The following CEP170 variants were observed in gnomAD, a reference collection of about 807,000 sequenced individuals.
The protein encoded by CEP170 is centrosomal protein 170.
In CEP170, 21 loss-of-function variants were observed where a neutral mutation model predicts 151.9. The observed-to-expected ratio is 0.14, with a 90% CI of 0.10 to 0.20. The LOEUF (loss-of-function observed/expected upper bound fraction) is 0.20, where lower values mean the gene tolerates loss of function less well. Ranked by LOEUF, CEP170 falls within the 10% of genes least tolerant of loss-of-function variation. CEP170 has a pLI of 1.00. For missense variants in CEP170, 964 were observed against 1,892.9 expected (o/e 0.51, Z 9.11); for synonymous variants, 356 against 648.8 (o/e 0.55, Z 6.86).
intron 3 of CEP170, among the ~76,000 whole-genome samples, chr1:243,217,087 A>G (rs2062366748): frequency 6.6e-6 from 1 of 152,182 alleles, no homozygotes; most frequent in African/African-American, 2.4e-5. Context: ...CCTAGGCTAC[A>G]AATCTATACA....
At chr1:243,140,352 T>A (rs2055690662) in intron 15 of CEP170, 1 of 430,214 alleles carries the variant, frequency 2.3e-6, no homozygotes. Flanking sequence ...CTATGTTAAA[T>A]TTAATTCTTC....
At chr1:243,186,892 G>C (rs1338258939) in intron 8 of CEP170, among the ~76,000 whole-genome samples, 1 of 152,194 alleles carries the variant, frequency 6.6e-6, no homozygotes, top group Non-Finnish European at 1.5e-5. Flanking sequence ...GTAAAAATGT[G>C]ATGAATCTTA....
chr1:243,215,536 T>C (rs1006174709), intron 3 of CEP170, among the ~76,000 whole-genome samples: 2 of 152,180 alleles, frequency 1.3e-5, no homozygotes, highest in Non-Finnish European at 2.9e-5. Context: ...CAGTCTCCCG[T>C]AGCACTCCCA....
intron 11 of CEP170, among the ~76,000 whole-genome samples, chr1:243,171,395 A>G (rs897848429): frequency 2.0e-5 from 3 of 152,126 alleles, no homozygotes; most frequent in Non-Finnish European, 4.4e-5. Flanking sequence ...GTAAGAAACA[A>G]ATCTTATTTA....
At chr1:243,129,992 T>G (rs986459967) in intron 17 of CEP170, among the ~76,000 whole-genome samples, 5 of 152,176 alleles carry the variant, frequency 3.3e-5, no homozygotes, top group African/African-American at 1.2e-4. Flanking sequence ...TTAAACTTTA[T>G]CATAGGCATG....
intron 1 of CEP170, among the ~76,000 whole-genome samples, chr1:243,226,111 ATATGTATATACG>A (rs1217548412): frequency 7.6e-6 from 1 of 131,254 alleles, no homozygotes; most frequent in Admixed American, 8.4e-5. Flanking sequence ...ACACGTATAT[ATATGTATATACG>A]TGTGTATATA....
At chr1:243,127,523 T>G (rs1004800717) in intron 19 of CEP170, among the ~76,000 whole-genome samples, 25 of 152,232 alleles carry the variant, frequency 1.6e-4, no homozygotes, top group African/African-American at 4.6e-4. Context: ...TAACAAGCAC[T>G]GTGTTAGCAA....
chr1:243,144,911 C>T (rs2056288046), intron 14 of CEP170, among the ~76,000 whole-genome samples: 1 of 152,130 alleles, frequency 6.6e-6, no homozygotes, highest in Non-Finnish European at 1.5e-5. Flanking sequence ...AGTGTCAGAA[C>T]CACTGACTCA....
chr1:243,139,912 A>G (rs746388231), intron 16 of CEP170, 25 bp downstream of exon 16: 60 of 1,604,238 alleles, frequency 3.7e-5, no homozygotes, highest in Non-Finnish European at 4.9e-5. Flanking sequence ...CTTCTGCCAC[A>G]TGTTAAAATT....
At chr1:243,152,909 G>A (rs1005714325) in intron 14 of CEP170, among the ~76,000 whole-genome samples, 4 of 152,192 alleles carry the variant, frequency 2.6e-5, no homozygotes, top group Admixed American at 6.5e-5. Context: ...CATAGGTAAT[G>A]ATTCCTCTAA....
intron 7 of CEP170, among the ~76,000 whole-genome samples, chr1:243,193,325 A>G (rs918298188): frequency 1.3e-5 from 2 of 152,098 alleles, no homozygotes; most frequent in Non-Finnish European, 2.9e-5. Context: ...ATACAGTACA[A>G]CTGGTTCATA....
chr1:243,227,527 G>A (rs2063398583), intron 1 of CEP170, among the ~76,000 whole-genome samples: 1 of 152,160 alleles, frequency 6.6e-6, no homozygotes, highest in Admixed American at 6.5e-5. Context: ...TTCAAAAGAT[G>A]TGATTCAAGG....
At chr1:243,142,252 G>C (rs2055934457) in intron 15 of CEP170, 64 bp downstream of exon 15, 1 of 1,603,098 alleles carries the variant, frequency 6.2e-7, no homozygotes, top group Non-Finnish European at 8.5e-7. Context: ...TAAGCAAAAA[G>C]CTAAAAGCAA....
At chr1:243,245,957 GA>G (rs957810492) in intron 1 of CEP170, among the ~76,000 whole-genome samples, 88 of 150,308 alleles carry the variant, frequency 5.9e-4, no homozygotes, top group Admixed American at 1.5e-3. Flanking sequence ...AAAAAAAAAA[GA>G]AAAAAGAAAG....
intron 3 of CEP170, among the ~76,000 whole-genome samples, chr1:243,217,750 GA>G (rs948793705): frequency 7.2e-5 from 11 of 152,050 alleles, no homozygotes; most frequent in South Asian, 2.1e-4. Flanking sequence ...TTAGATACGG[GA>G]AAAAAAATGA....
chr1:243,207,877 C>T (rs1183460355), intron 4 of CEP170, among the ~76,000 whole-genome samples: 2 of 151,028 alleles, frequency 1.3e-5, no homozygotes, highest in Non-Finnish European at 3.0e-5. Context: ...AGAAAGGTCT[C>T]AACTGAATGA....
Position 243,139,939 on chromosome 1 carries a change from C to T in CEP170, c.4228G>A (p.Glu1410Lys). The change falls in exon 16 of 20, where the codon GAA becomes AAA. Residue 1410 changes from glutamate to lysine, a missense_variant and splice_region_variant. Glu to Lys is a moderately conservative substitution (Grantham distance 56). Coordinates refer to ENST00000366542, the MANE Select transcript of CEP170 (RefSeq NM_014812.3). ...ITRRRTWSRD[E>K]VMGDNLLLSS... is the part of the protein sequence containing the mutation. ...GTTAAAATTTATAGTTTACTTACTT[C>T]ATCCCTGCTCCAGGTTCTCCGCCTT... The T allele has an allele frequency of 6.2e-7, 1 of 1,609,424 alleles. No homozygotes were observed. Among genetic ancestry groups the T allele is most frequent in the Non-Finnish European group, 8.5e-7 (1 of 1,176,746 alleles).
intron 1 of CEP170, among the ~76,000 whole-genome samples, chr1:243,233,339 A>T (rs1183193971): frequency 6.6e-6 from 1 of 152,218 alleles, no homozygotes; most frequent in Non-Finnish European, 1.5e-5. Context: ...TAAGTTTTAC[A>T]TTCTAAATAA....
chr1:243,128,807 TC>T (rs1558355189), intron 18 of CEP170: 1 of 153,112 alleles, frequency 6.5e-6, no homozygotes, highest in Non-Finnish European at 1.5e-5. Context: ...CCTCAAGTGA[TC>T]CGCCCTCCTT....
Sources: gnomAD v4.1 joint callset for allele counts (sites outside exome capture counted in the v4.1 genomes callset) on GRCh38, gnomAD v4.1.1 for gene constraint, MANE v1.5 for transcripts, NCBI Gene and HGNC (gene_info 2026-07-23, HGNC 2026-07-21) for gene names.